PKD1: variants seen among roughly 807,000 people sequenced by gnomAD.
The protein encoded by PKD1 is polycystin-1.
Under a neutral mutation model 361.7 loss-of-function variants are expected in PKD1, and 81 were observed. The ratio of observed to expected loss-of-function variants is 0.22; its 90% CI spans 0.19 to 0.27. The LOEUF (loss-of-function observed/expected upper bound fraction) is 0.27. PKD1 is among the 10% of genes least tolerant of loss of function. The probability of loss-of-function intolerance (pLI) is 1.00; values close to 1 mark genes in which losing one functional copy is unlikely to be tolerated. For missense variants in PKD1, 6,399 were observed against 6,118.3 expected (o/e 1.05, Z -1.53); for synonymous variants, 3,615 against 2,818.3 (o/e 1.28, Z -8.95).
At position 2,108,905 on chromosome 16, in the gene PKD1, G is replaced by A. The variant is rs781630003; in HGVS notation, c.6262C>T (p.Arg2088Trp). 5.1e-5 allele frequency: 81 copies of A among 1,584,458 alleles called. No individual in the cohort carries two copies. Among genetic ancestry groups the A allele is most frequent in the East Asian group, 1.2e-4 (5 of 43,046 alleles). ...QFEAATSPSP[R>W]RVAYHWDFGD... ...AAGTCCCAGTGGTAGGCCACACGCC[G>A]GGGGCTGGGGCTGGTGGCGGCCTCA... Residue 2088 changes from arginine to tryptophan, a missense_variant, in exon 15 of 46, where the codon CGG becomes TGG. Arg to Trp is a moderately radical substitution (Grantham distance 101). Transcript: ENST00000262304.
Position 2,097,866 on chromosome 16 carries a change from A to C in PKD1, c.10167+2T>G, listed in dbSNP as rs1402025908. 1 of 1,604,644 alleles carries C rather than the reference A, an allele frequency of 6.2e-7. No homozygotes were observed. Among genetic ancestry groups the C allele is most frequent in the African/African-American group, 1.3e-5 (1 of 74,704 alleles). On this transcript the variant is annotated splice_donor_variant, in intron 31 of 45. Transcript: ENST00000262304. LOFTEE classifies it high-confidence loss of function. ...GCCCAGGACCCCCAGTAGAGTCCTC[A>C]CCTCAGCGTGGAGGCCTGAGAACGT...
At chr16:2,122,671 G>T (rs184756307) in intron 1 of PKD1, among the ~76,000 whole-genome samples, 1 of 152,354 alleles carries the variant, frequency 6.6e-6, no homozygotes, top group African/African-American at 2.4e-5. Context: ...ACACTGTGCC[G>T]TGAGGAACTG....
chr16:2,123,029 T>TG (rs1596603985), intron 1 of PKD1, among the ~76,000 whole-genome samples: 1 of 152,030 alleles, frequency 6.6e-6, no homozygotes, highest in Admixed American at 6.6e-5. Flanking sequence ...AGGGCAGGGG[T>TG]GGGGGCAGGT....
chr16:2,103,419 A>G lies in PKD1; in HGVS notation c.8638T>C (p.Ser2880Pro). The G allele has an allele frequency of 6.3e-7, 1 of 1,599,218 alleles. No homozygotes were observed. ...CGGTGGCCCCGGGCAGCCCAGTCCG[A>G]GTTGTTGGGCACCTTCACGGTGATG... ...RAITVKVPNNSDWAARGHRSS... is the reference protein window; with the variant it reads ...RAITVKVPNNPDWAARGHRSS... Residue 2880 changes from serine to proline, a missense_variant, in exon 23 of 46, where the codon TCG becomes CCG. Physicochemically the swap from Ser to Pro is moderately conservative, Grantham distance 74. Transcript: ENST00000262304.
chr16:2,124,592 C>T (rs958726093), intron 1 of PKD1, among the ~76,000 whole-genome samples: 2 of 152,236 alleles, frequency 1.3e-5, no homozygotes, highest in Non-Finnish European at 2.9e-5. Context: ...TGGCCCCAGA[C>T]AAACCAGACC....
intron 26 of PKD1, among the ~76,000 whole-genome samples, chr16:2,101,765 G>A (rs2151747013): frequency 6.6e-6 from 1 of 152,390 alleles, no homozygotes; most frequent in East Asian, 1.9e-4. Context: ...GCGGGTGGAT[G>A]CACAGTCTCC....
At chr16:2,092,338 C>G in intron 39 of PKD1, 142 bp downstream of exon 39, 1 of 1,004,662 alleles carries the variant, frequency 1.0e-6, no homozygotes, top group South Asian at 1.5e-5. Context: ...TACCATCTCT[C>G]ATATACAGAG....
chr16:2,107,312 C>T (rs1387850709), intron 16 of PKD1: 7 of 388,026 alleles, frequency 1.8e-5, no homozygotes, highest in Non-Finnish European at 2.5e-5. Context: ...CTCCTGCAGC[C>T]CTTAGCCAGG....
chr16:2,113,138 C>G, intron 12 of PKD1, 23 bp downstream of exon 12: 1 of 713,210 alleles, frequency 1.4e-6, no homozygotes. Context: ...CATCCCCTCC[C>G]CTCCCCACCC....
In PKD1 at chr16:2,104,536, G is replaced by A. The variant is rs147350387; in HGVS notation, c.8123C>T (p.Thr2708Met). 0.015 allele frequency: 24,262 copies of A among 1,573,306 alleles called. 229 individuals carry two copies. Among genetic ancestry groups the A allele is most frequent in the Non-Finnish European group, 0.019 (21,759 of 1,158,848 alleles). The change falls in exon 22 of 46, where the codon ACG becomes ATG. Residue 2708 changes from threonine to methionine, a missense_variant. Physicochemically the swap from Thr to Met is moderately conservative, Grantham distance 81. Coordinates refer to ENST00000262304, the MANE Select transcript of PKD1 (RefSeq NM_001009944.3). ...LQAETTAGTVTPTAIGDSILN... is the reference protein window; with the variant it reads ...LQAETTAGTVMPTAIGDSILN... ...GATGCTGTCTCCGATGGCGGTGGGCGTCACGGTGCCCGCGGTGGTCTCTGC... is the reference window on the plus strand; with the variant it reads ...GATGCTGTCTCCGATGGCGGTGGGCATCACGGTGCCCGCGGTGGTCTCTGC...
At chr16:2,130,128 T>C (rs2854591) in intron 1 of PKD1, among the ~76,000 whole-genome samples, 1 of 152,208 alleles carries the variant, frequency 6.6e-6, no homozygotes, top group African/African-American at 2.4e-5. Flanking sequence ...CCGCGTCTAA[T>C]AAAGAAACTA....
rs180806581 is a variant in PKD1, at chr16:2,099,594, G to A, written c.10050+50C>T. ...AAGTGGCGGCCCTAGGCATGGTGCC[G>A]AGGCCCAGGCTCCATTCCCAGTACT... On this transcript the variant is annotated intron_variant, in intron 30 of 45. Transcript: ENST00000262304. 6,809 of 1,534,930 alleles carry A rather than the reference G, an allele frequency of 4.4e-3. 248 individuals carry two copies. The African/African-American group carries it at 0.077, about 17-fold the overall frequency.
At chr16:2,128,668 C>G (rs1183487568) in intron 1 of PKD1, among the ~76,000 whole-genome samples, 2 of 152,150 alleles carry the variant, frequency 1.3e-5, no homozygotes, top group African/African-American at 2.4e-5. Context: ...AGCGCGGAGC[C>G]CGGCGTGGCC....
At chr16:2,096,151 A>T (rs1172447050) in intron 34 of PKD1, among the ~76,000 whole-genome samples, 1 of 152,252 alleles carries the variant, frequency 6.6e-6, no homozygotes, top group African/African-American at 2.4e-5. Flanking sequence ...TGTTCTGAGA[A>T]ATGCGTCATT....
At position 2,126,237 on chromosome 16, in the gene PKD1, T is replaced by G. The variant is rs371334754; in HGVS notation, c.216-6859A>C. On this transcript the variant is annotated intron_variant, in intron 1 of 45. Coordinates refer to ENST00000262304, the MANE Select transcript of PKD1 (RefSeq NM_001009944.3). Reference sequence around the variant, plus strand: ...CCACAGCTGTGACGTTCCCTGGGCATGGGCTTGCCCCAGCGCTGGCCTCAT... The same window carrying G: ...CCACAGCTGTGACGTTCCCTGGGCAGGGGCTTGCCCCAGCGCTGGCCTCAT... Among the ~76,000 whole-genome samples, 30 of 152,356 alleles carry G rather than the reference T, an allele frequency of 2.0e-4. No individual in the cohort carries two copies. The East Asian group carries it at 3.3e-3, about 17-fold the overall frequency.
rs750977050 is a variant in PKD1, at chr16:2,115,452, G to A, written c.2023C>T (p.Leu675=). The A allele has an allele frequency of 2.3e-5, 37 of 1,599,144 alleles. No individual in the cohort carries two copies. The East Asian group carries it at 7.7e-4, about 33-fold the overall frequency. ...CATAGCGCATAGGGGGCCCCGGGTAGCCCTGGCCCTGACGTGCAGCCATTG... is the reference window on the plus strand; with the variant it reads ...CATAGCGCATAGGGGGCCCCGGGTAACCCTGGCCCTGACGTGCAGCCATTG... ...CANGCTSGPG[L]PGAPYALWRE... Residue 675 remains leucine, a synonymous_variant, in exon 10 of 46, where the codon CTA becomes TTA. Coordinates refer to ENST00000262304, the MANE Select transcript of PKD1 (RefSeq NM_001009944.3).
At chr16:2,097,700 G>C (rs1318157331) in intron 32 of PKD1, 28 bp downstream of exon 32, 1 of 1,610,930 alleles carries the variant, frequency 6.2e-7, no homozygotes, top group Admixed American at 1.7e-5. Flanking sequence ...ACCTGCACCA[G>C]GGCTCGAGGT....
Position 2,097,462 on chromosome 16 carries a change from G to C in PKD1, c.10262C>G (p.Pro3421Arg), listed in dbSNP as rs545053536. 6.2e-7 allele frequency: 1 copy of C among 1,604,332 alleles called. No individual in the cohort carries two copies. The highest frequency in any genetic ancestry group is 1.7e-5 in the Admixed American group (1 of 60,008). The change falls in exon 33 of 46, where the codon CCG becomes CGG. Residue 3421 changes from proline (P) to arginine (R), a missense_variant. Transcript: ENST00000262304. Reference protein sequence around the residue: ...WPSGEGTLSWPDLLSDPSIVG... With the variant: ...WPSGEGTLSWRDLLSDPSIVG... ...AATGGACGGGTCACTGAGCAGGTCC[G>C]GCCAACTGAGCGTTCCCTCGCCGGA...
chr16:2,110,349 G>T lies in PKD1; in HGVS notation c.4818C>A (p.Thr1606=). 1 of 1,612,668 alleles carries T rather than the reference G, an allele frequency of 6.2e-7. No homozygotes were observed. Among genetic ancestry groups the T allele is most frequent in the Non-Finnish European group, 8.5e-7 (1 of 1,179,854 alleles). Reference sequence around the variant, plus strand: ...TCTCAGCCGTGACGATGATATTGAAGGTGCCCACGGAGCGGAAGGTGTAAG... The same window carrying T: ...TCTCAGCCGTGACGATGATATTGAATGTGCCCACGGAGCGGAAGGTGTAAG... ...TISYTFRSVG[T]FNIIVTAENE... Residue 1606 remains threonine (T), a synonymous_variant, in exon 15 of 46, where the codon ACC becomes ACA. Transcript: ENST00000262304.
Sources: gnomAD v4.1 joint callset for allele counts (sites outside exome capture counted in the v4.1 genomes callset) on GRCh38, gnomAD v4.1.1 for gene constraint, MANE v1.5 for transcripts, NCBI Gene and HGNC (gene_info 2026-07-23, HGNC 2026-07-21) for gene names.